VAV3: variants seen among roughly 807,000 people sequenced by gnomAD.
The protein encoded by VAV3 is guanine nucleotide exchange factor VAV3.
Under a neutral mutation model 131.2 loss-of-function variants are expected in VAV3, and 94 were observed. The observed-to-expected ratio is 0.72, with a 90% CI of 0.61 to 0.85. The LOEUF (loss-of-function observed/expected upper bound fraction) is 0.85, where lower values mean the gene tolerates loss of function less well. Ranked by LOEUF, VAV3 falls within the 40% of genes least tolerant of loss-of-function variation. The pLI is 0.00. For synonymous variants in VAV3, 349 were observed against 342.0 expected, an observed-to-expected ratio of 1.02 and a Z score of -0.22; for missense variants, 939 against 1,002.7, an observed-to-expected ratio of 0.94 and a Z score of 0.86.
At chr1:107,722,837 T>C (rs1661580110) in intron 15 of VAV3, among the ~76,000 whole-genome samples, 3 of 52,768 alleles carry the variant, frequency 5.7e-5, no homozygotes, top group African/African-American at 1.1e-4. Flanking sequence ...CCTATTATCC[T>C]CTCTTTTTTT....
At chr1:107,947,471 A>G (rs377317531) in intron 1 of VAV3, among the ~76,000 whole-genome samples, 3 of 152,188 alleles carry the variant, frequency 2.0e-5, no homozygotes, top group African/African-American at 7.2e-5. Context: ...GAAGGGAAAG[A>G]ATCTCACATG....
At chr1:107,748,212 T>C (rs1041689852) in intron 15 of VAV3, among the ~76,000 whole-genome samples, 3 of 152,178 alleles carry the variant, frequency 2.0e-5, no homozygotes, top group African/African-American at 7.2e-5. Flanking sequence ...AAATTCCAAA[T>C]GTAGTTTTCC....
At chr1:107,736,213 T>C (rs1190580634) in intron 15 of VAV3, among the ~76,000 whole-genome samples, 2 of 152,062 alleles carry the variant, frequency 1.3e-5, no homozygotes, top group Non-Finnish European at 2.9e-5. Flanking sequence ...TATCTCAAAA[T>C]AATAAGAGGT....
intron 1 of VAV3, among the ~76,000 whole-genome samples, chr1:107,932,874 T>C (rs1246647898): frequency 6.6e-6 from 1 of 152,210 alleles, no homozygotes; most frequent in Admixed American, 6.5e-5. Flanking sequence ...TTGAAGCCTC[T>C]TAAAAAAACT....
intron 19 of VAV3, among the ~76,000 whole-genome samples, chr1:107,654,875 T>C (rs181419962): frequency 2.6e-3 from 393 of 152,176 alleles, no homozygotes; most frequent in Non-Finnish European, 4.4e-3. Context: ...AAATAGTACC[T>C]ACATTCTAAA....
intron 2 of VAV3, among the ~76,000 whole-genome samples, chr1:107,804,591 G>C (rs1666974930): frequency 6.6e-6 from 1 of 151,942 alleles, no homozygotes; most frequent in African/African-American, 2.4e-5. Context: ...TTTTTGTATT[G>C]ACTATCTCAA....
At chr1:107,862,410 T>TA (rs1030345376) in intron 2 of VAV3, among the ~76,000 whole-genome samples, 17 of 150,964 alleles carry the variant, frequency 1.1e-4, no homozygotes, top group African/African-American at 3.6e-4. Flanking sequence ...CATAAGCCAT[T>TA]AAAAAAAAGA....
chr1:107,641,233 TA>T (rs1655314553), intron 20 of VAV3, among the ~76,000 whole-genome samples: 1 of 152,186 alleles, frequency 6.6e-6, no homozygotes, highest in Non-Finnish European at 1.5e-5. Flanking sequence ...CATTCTTATA[TA>T]ACAAGATGAC....
rs1661631149 is a variant in VAV3 at position 107,723,495 on chromosome 1, C to A, written c.1503-18434G>T. Among the ~76,000 whole-genome samples, 3 of 152,138 alleles carry A rather than the reference C, an allele frequency of 2.0e-5. No homozygotes were observed. In the South Asian group the frequency reaches 6.2e-4, roughly 32 times the overall value. On this transcript the variant is annotated intron_variant, in intron 15 of 26. Transcript: ENST00000370056. ...CCTACCCTGTTTTTGCCAACATACACCTGGATTCTCCATCTGGGCCTGGCT... is the reference window on the plus strand; with the variant it reads ...CCTACCCTGTTTTTGCCAACATACAACTGGATTCTCCATCTGGGCCTGGCT...
chr1:107,783,167 T>C (rs1665786776), intron 2 of VAV3, among the ~76,000 whole-genome samples: 1 of 152,194 alleles, frequency 6.6e-6, no homozygotes, highest in Non-Finnish European at 1.5e-5. Flanking sequence ...GACAAAGGGT[T>C]CTGCAAATCT....
At chr1:107,684,853 G>T (rs768109384) in intron 18 of VAV3, among the ~76,000 whole-genome samples, 2 of 151,998 alleles carry the variant, frequency 1.3e-5, no homozygotes, top group Non-Finnish European at 2.9e-5. Flanking sequence ...CTAATTTAAA[G>T]AAAAAATCTT....
At chr1:107,832,356 G>C (rs889595484) in intron 2 of VAV3, among the ~76,000 whole-genome samples, 1 of 152,164 alleles carries the variant, frequency 6.6e-6, no homozygotes, top group Non-Finnish European at 1.5e-5. Context: ...GTCAGCAAAT[G>C]CATCGGCAGA....
chr1:107,851,035 G>A (rs1301178331), intron 2 of VAV3, among the ~76,000 whole-genome samples: 1 of 152,020 alleles, frequency 6.6e-6, no homozygotes, highest in African/African-American at 2.4e-5. Flanking sequence ...AGGTAAGGCT[G>A]GGAACAAGAC....
intron 15 of VAV3, among the ~76,000 whole-genome samples, chr1:107,722,148 T>C (rs1414190370): frequency 6.6e-6 from 1 of 152,116 alleles, no homozygotes; most frequent in African/African-American, 2.4e-5. Context: ...AGTTTCGGAG[T>C]ATGCAGAATG....
chr1:107,777,625 C>G (rs1665439949), intron 3 of VAV3: 1 of 323,018 alleles, frequency 3.1e-6, no homozygotes, highest in African/African-American at 2.1e-5. Context: ...GTCACCTCAC[C>G]CACTGCAGCA....
At chr1:107,720,360 G>T (rs1272879407) in intron 15 of VAV3, among the ~76,000 whole-genome samples, 1 of 143,702 alleles carries the variant, frequency 7.0e-6, no homozygotes, top group African/African-American at 2.6e-5. Context: ...TCCAGCCTGG[G>T]CAACAGAGTG....
chr1:107,836,168 T>G (rs912588798), intron 2 of VAV3, among the ~76,000 whole-genome samples: 1 of 152,150 alleles, frequency 6.6e-6, no homozygotes, highest in East Asian at 1.9e-4. Context: ...ACTTAACACT[T>G]GACAAATTGG....
chr1:107,803,684 T>A (rs1330439709), intron 2 of VAV3, among the ~76,000 whole-genome samples: 1 of 152,124 alleles, frequency 6.6e-6, no homozygotes, highest in African/African-American at 2.4e-5. Context: ...GCATTTTGGA[T>A]GAACTTCCAT....
chr1:107,824,914 A>T (rs921093728), intron 2 of VAV3, among the ~76,000 whole-genome samples: 3 of 151,824 alleles, frequency 2.0e-5, no homozygotes, highest in African/African-American at 7.2e-5. Flanking sequence ...GAGTAAAAGA[A>T]CCCACAGATG....
Sources: gnomAD v4.1 joint callset for allele counts (sites outside exome capture counted in the v4.1 genomes callset) on GRCh38, gnomAD v4.1.1 for gene constraint, MANE v1.5 for transcripts, NCBI Gene and HGNC (gene_info 2026-07-23, HGNC 2026-07-21) for gene names.